The following CSMD3 variants were observed in gnomAD, a reference collection of about 807,000 sequenced individuals.
CSMD3 encodes the protein CUB and sushi domain-containing protein 3.
Under a neutral mutation model 435.2 loss-of-function variants are expected in CSMD3, and 177 were observed. The ratio of observed to expected loss-of-function variants is 0.41; its 90% CI spans 0.36 to 0.46. The LOEUF is 0.46. Ranked by LOEUF, CSMD3 falls within the 20% of genes least tolerant of loss-of-function variation. CSMD3 has a pLI of 0.34. For missense variants in CSMD3, 4,265 were observed against 4,504.6 expected (o/e 0.95, Z 1.52); for synonymous variants, 1,656 against 1,520.5 (o/e 1.09, Z -2.07).
At chr8:113,431,071 A>C (rs183717163) in intron 1 of CSMD3, among the ~76,000 whole-genome samples, 3 of 152,312 alleles carry the variant, frequency 2.0e-5, no homozygotes, top group South Asian at 2.1e-4. Context: ...GAAGAGAATA[A>C]GAGCCTCACA....
intron 1 of CSMD3, among the ~76,000 whole-genome samples, chr8:113,390,635 C>G (rs920229438): frequency 6.6e-6 from 1 of 151,734 alleles, no homozygotes; most frequent in Non-Finnish European, 1.5e-5. Flanking sequence ...AATAGATTAA[C>G]AAGGGAACGC....
Position 112,638,924 on chromosome 8 carries a change from A to G in CSMD3, c.3311-13T>C. The G allele has an allele frequency of 6.4e-7, 1 of 1,557,874 alleles. No individual in the cohort carries two copies. Among genetic ancestry groups the G allele is most frequent in the Non-Finnish European group, 8.9e-7 (1 of 1,129,364 alleles). On this transcript the variant is annotated splice_polypyrimidine_tract_variant and intron_variant, in intron 20 of 70. Transcript: ENST00000297405. ...TTGAACTGCACACCTATTAAGAAAA[A>G]TAGAAACACTGAATTTACAGGTAGA...
chr8:112,761,338 AAT>A (rs2077832481), intron 13 of CSMD3, among the ~76,000 whole-genome samples: 1 of 152,128 alleles, frequency 6.6e-6, no homozygotes, highest in African/African-American at 2.4e-5. Flanking sequence ...CAATATTATG[AAT>A]ATGTTTTTAG....
At chr8:113,305,651 T>C (rs957160528) in intron 2 of CSMD3, among the ~76,000 whole-genome samples, 2 of 152,214 alleles carry the variant, frequency 1.3e-5, no homozygotes, top group African/African-American at 4.8e-5. Flanking sequence ...AAACAATAAA[T>C]AGTTGTGTAT....
chr8:113,322,874 T>C (rs533509444), intron 1 of CSMD3, among the ~76,000 whole-genome samples: 1 of 152,196 alleles, frequency 6.6e-6, no homozygotes, highest in African/African-American at 2.4e-5. Context: ...GCCTCCTGAG[T>C]AGCTGGGATT....
intron 13 of CSMD3, among the ~76,000 whole-genome samples, chr8:112,784,587 C>T (rs146260844): frequency 1.7e-4 from 26 of 151,938 alleles, no homozygotes; most frequent in Non-Finnish European, 3.5e-4. Context: ...GGAGATATTA[C>T]AACTGATACC....
intron 32 of CSMD3, among the ~76,000 whole-genome samples, chr8:112,415,248 C>T (rs1811782640): frequency 6.6e-6 from 1 of 152,320 alleles, no homozygotes; most frequent in South Asian, 2.1e-4. Flanking sequence ...TGGTGCCCTG[C>T]ACCCAGCTGC....
intron 5 of CSMD3, among the ~76,000 whole-genome samples, chr8:113,075,266 T>C (rs1057205694): frequency 5.9e-5 from 9 of 151,854 alleles, no homozygotes; most frequent in African/African-American, 1.9e-4. Flanking sequence ...TTGCCAATAA[T>C]ACAATTTTCT....
At chr8:112,841,904 T>C (rs1015464645) in intron 11 of CSMD3, among the ~76,000 whole-genome samples, 1 of 151,808 alleles carries the variant, frequency 6.6e-6, no homozygotes, top group African/African-American at 2.4e-5. Flanking sequence ...AAAGCAGATA[T>C]GTAATACTGA....
intron 23 of CSMD3, among the ~76,000 whole-genome samples, chr8:112,576,719 T>TG (rs11431863): frequency 0.41 from 61,371 of 151,040 alleles, 13,248 homozygotes; most frequent in East Asian, 0.57. Flanking sequence ...TTTATACAAA[T>TG]GGGTTTTGCC....
At chr8:112,751,827 T>G (rs1370735489) in intron 13 of CSMD3, among the ~76,000 whole-genome samples, 2 of 152,020 alleles carry the variant, frequency 1.3e-5, no homozygotes, top group African/African-American at 4.8e-5. Context: ...ATTATTTTAT[T>G]TTTTAAGTTT....
At chr8:113,245,735 T>C (rs1211426951) in intron 3 of CSMD3, among the ~76,000 whole-genome samples, 2 of 152,092 alleles carry the variant, frequency 1.3e-5, no homozygotes, top group African/African-American at 4.8e-5. Context: ...TCTATTTCTT[T>C]GTTTGGACTT....
chr8:113,030,417 TAAAA>T (rs35890606), intron 5 of CSMD3, among the ~76,000 whole-genome samples: 6 of 24,352 alleles, frequency 2.5e-4, no homozygotes, highest in African/African-American at 1.1e-3. Flanking sequence ...TTGGTACTGG[TAAAA>T]AAAAAAAAAA....
chr8:112,273,996 G>A (rs148333356), intron 59 of CSMD3, among the ~76,000 whole-genome samples: 114 of 151,680 alleles, frequency 7.5e-4, no homozygotes, highest in African/African-American at 2.7e-3. Context: ...AGGATATGAG[G>A]AGAAAATGTC....
chr8:112,974,239 T>C (rs970661535), intron 7 of CSMD3, among the ~76,000 whole-genome samples: 4 of 151,944 alleles, frequency 2.6e-5, no homozygotes, highest in Admixed American at 6.6e-5. Context: ...ACTATTAAAC[T>C]TTTCTATTTT....
At chr8:112,980,595 T>C (rs1266613291) in intron 6 of CSMD3, among the ~76,000 whole-genome samples, 2 of 151,456 alleles carry the variant, frequency 1.3e-5, no homozygotes, top group African/African-American at 4.8e-5. Flanking sequence ...TGGAGAGTCA[T>C]TAGCATATGT....
intron 27 of CSMD3, among the ~76,000 whole-genome samples, chr8:112,520,375 A>G (rs1371368120): frequency 6.6e-6 from 1 of 152,062 alleles, no homozygotes; most frequent in Non-Finnish European, 1.5e-5. Context: ...TCTTAAATGC[A>G]TGTTCTTAGC....
chr8:112,839,098 C>T (rs753227545), intron 11 of CSMD3, among the ~76,000 whole-genome samples: 5 of 151,650 alleles, frequency 3.3e-5, no homozygotes, highest in Non-Finnish European at 7.4e-5. Context: ...GTGCAAAATG[C>T]CACCTCAGGG....
chr8:112,747,694 G>A lies in CSMD3; in HGVS notation c.1972+52468C>T, dbSNP rs182071931. ...TAAAACTTTATTTATAAAAACAGGC[G>A]GCCGGGCGCGGTGGCTCACGCCTGT... On this transcript the variant is annotated intron_variant, in intron 13 of 70. Transcript: ENST00000297405. 1.6e-4 allele frequency among the ~76,000 whole-genome samples: 25 copies of A among 152,180 alleles called. No homozygotes were observed. In the East Asian group the frequency reaches 4.5e-3, roughly 27 times the overall value.
Sources: allele counts gnomAD v4.1 joint callset (sites outside exome capture counted in the v4.1 genomes callset), GRCh38; gene constraint gnomAD v4.1.1; transcripts MANE v1.5; gene names NCBI Gene and HGNC (gene_info 2026-07-23, HGNC 2026-07-21).